The following HOXD8 variants were observed in gnomAD, a reference collection of about 807,000 sequenced individuals.
HOXD8 encodes the protein homeobox D8.
In HOXD8, 17 loss-of-function variants were observed where a neutral mutation model predicts 25.4. The observed-to-expected ratio is 0.67, with a 90% CI of 0.46 to 1.00. HOXD8 has a LOEUF of 1.00. HOXD8 is among the 50% of genes least tolerant of loss of function. HOXD8 has a pLI of 0.00. For synonymous variants in HOXD8, 203 were observed against 175.3 expected (o/e 1.16, Z -1.25); for missense variants, 511 against 398.5 (o/e 1.28, Z -2.40).
chr2:176,131,441 A>C lies in HOXD8; in HGVS notation c.702A>C (p.Leu234=). Residue 234 remains leucine (L), a synonymous_variant, in exon 2 of 2, where the codon CTA becomes CTC. Transcript: ENST00000313173. ...GAAGAATCGAGGTTTCCCACGCCCT[A>C]GCCCTCACCGAGAGACAGGTAAAAA... is the stretch of plus-strand genomic sequence containing the variant. The part of the protein sequence containing the change: ...RKRRIEVSHA[L]ALTERQVKIW... The C allele has an allele frequency of 6.2e-7, 1 of 1,613,918 alleles. No individual in the cohort carries two copies. Among genetic ancestry groups the C allele is most frequent in the Non-Finnish European group, 8.5e-7 (1 of 1,179,940 alleles).
rs1387578084 is a variant in HOXD8, at chr2:176,132,313, T to C, written c.*701T>C. 1 of 152,276 alleles carries C rather than the reference T, an allele frequency of 6.6e-6. No homozygotes were observed. Among genetic ancestry groups the C allele is most frequent in the Non-Finnish European group, 1.5e-5 (1 of 68,048 alleles). The allele number at this position is 152,276 out of a possible 1,614,324, so 9.4% of individuals were successfully genotyped here. A position where few individuals can be genotyped will look rare whatever the true frequency, so the allele number is the denominator to read the frequency against. ...GTCCAAGTTGACAATTATTTTTCTA[T>C]AGTCCATACAAATTAAATAATCTGG... On this transcript the variant is annotated 3_prime_UTR_variant, in exon 2 of 2. Coordinates refer to ENST00000313173, the MANE Select transcript of HOXD8 (RefSeq NM_019558.4).
In HOXD8 at chr2:176,131,405, G is replaced by A; in HGVS notation, c.666G>A (p.Leu222=). The change falls in exon 2 of 2, where the codon CTG becomes CTA. Residue 222 remains leucine, a synonymous_variant. Coordinates refer to ENST00000313173, the MANE Select transcript of HOXD8 (RefSeq NM_019558.4). The stretch of plus-strand genomic sequence containing the variant: ...AGGAATTTCTTTTTAACCCCTATCT[G>A]ACCAGGAAAAGAAGAATCGAGGTTT... ...LEKEFLFNPY[L]TRKRRIEVSH... 1 of 1,611,730 alleles carries A rather than the reference G, an allele frequency of 6.2e-7. No individual in the cohort carries two copies. Among genetic ancestry groups the A allele is most frequent in the South Asian group, 1.1e-5 (1 of 91,004 alleles).
At chr2:176,131,100 A>C (rs1035029118) in intron 1 of HOXD8, among the ~76,000 whole-genome samples, 157 bp downstream of exon 1, 1 of 152,098 alleles carries the variant, frequency 6.6e-6, no homozygotes, top group Admixed American at 6.5e-5. Context: ...TTTTTTTAAA[A>C]AAGTAGGAAC....
rs1178974258 is a variant in HOXD8 at position 176,130,672 on chromosome 2, C to A, written c.306C>A (p.Ala102=). The change falls in exon 1 of 2, where the codon GCC becomes GCA. Residue 102 remains alanine (A), a synonymous_variant. Coordinates refer to ENST00000313173, the MANE Select transcript of HOXD8 (RefSeq NM_019558.4). ...EYFHPGGGSP[A]AAYQAAPPPP... ...TCCACCCCGGCGGGGGCAGCCCGGC[C>A]GCTGCCTACCAGGCCGCCCCCCCTC... 1.3e-6 allele frequency: 2 copies of A among 1,558,744 alleles called. No individual in the cohort carries two copies. The highest frequency in any genetic ancestry group is 1.2e-5 in the South Asian group (1 of 82,268).
Position 176,131,598 on chromosome 2 carries a change from G to A in HOXD8, c.859G>A (p.Gly287Ser). Residue 287 changes from glycine to serine, a missense_variant, in exon 2 of 2, where the codon GGC becomes AGC. Physicochemically the swap from Gly to Ser is moderately conservative, Grantham distance 56. Transcript: ENST00000313173. ...AGAGCTGGAGGAAGACAGAGCCGAAGGCCTGACAAATTAACTTCTACCTTT... is the reference window on the plus strand; with the variant it reads ...AGAGCTGGAGGAAGACAGAGCCGAAAGCCTGACAAATTAACTTCTACCTTT... ...AQELEEDRAE[G>S]LTN The A allele has an allele frequency of 6.3e-7, 1 of 1,577,584 alleles. No homozygotes were observed. The highest frequency in any genetic ancestry group is 8.6e-7 in the Non-Finnish European group (1 of 1,160,006).
chr2:176,129,878 T>C lies in HOXD8; in HGVS notation c.-489T>C. On this transcript the variant is annotated 5_prime_UTR_variant, in exon 1 of 2. Coordinates refer to ENST00000313173, the MANE Select transcript of HOXD8 (RefSeq NM_019558.4). ...GGCGGCGGGCAGAGGGTGTTTTTTT[T>C]CTTTTCCCTCCAGAGCCGGGGTTTG... 3.9e-6 allele frequency: 1 copy of C among 256,134 alleles called. No homozygotes were observed. Among genetic ancestry groups the C allele is most frequent in the Non-Finnish European group, 7.7e-6 (1 of 130,504 alleles). 15.9% of individuals were successfully genotyped at this position (256,134 alleles called of 1,614,324 possible).
chr2:176,130,354 CGCT>C lies in HOXD8; in HGVS notation c.-11_-9del, dbSNP rs1401022156. ...CCGCCCGCCCGCCCGGGGCCGCCGC[CGCT>C]GACGCCCCAATGAGTTCGTACTTCG... is the stretch of plus-strand genomic sequence containing the variant. On this transcript the variant is annotated 5_prime_UTR_variant, in exon 1 of 2. Transcript: ENST00000313173. 2.1e-6 allele frequency: 3 copies of C among 1,398,272 alleles called. No homozygotes were observed. In the African/African-American group the frequency reaches 4.6e-5, roughly 22 times the overall value. The allele number at this position is 1,398,272 out of a possible 1,614,324, so 86.6% of individuals were successfully genotyped here.
At position 176,130,606 on chromosome 2, in the gene HOXD8, G is replaced by C. The variant is rs1028078775; in HGVS notation, c.240G>C (p.Gly80=). The part of the protein sequence containing the change: ...AHPHPSPPPS[G]TGCGGREGRG... Reference sequence around the variant, plus strand: ...CGCACCCGTCCCCGCCGCCCTCCGGGACTGGGTGCGGCGGTAGGGAAGGCC... The same window carrying C: ...CGCACCCGTCCCCGCCGCCCTCCGGCACTGGGTGCGGCGGTAGGGAAGGCC... Residue 80 remains glycine (G), a synonymous_variant, in exon 1 of 2, where the codon GGG becomes GGC. Coordinates refer to ENST00000313173, the MANE Select transcript of HOXD8 (RefSeq NM_019558.4). The C allele has an allele frequency of 1.4e-5, 21 of 1,492,456 alleles. No individual in the cohort carries two copies. Among genetic ancestry groups the C allele is most frequent in the Non-Finnish European group, 1.8e-5 (20 of 1,134,602 alleles). The allele number at this position is 1,492,456 out of a possible 1,614,324, so 92.5% of individuals were successfully genotyped here.
Position 176,130,605 on chromosome 2 carries a change from G to C in HOXD8, c.239G>C (p.Gly80Ala), listed in dbSNP as rs758482589. 3 of 1,491,280 alleles carry C rather than the reference G, an allele frequency of 2.0e-6. No homozygotes were observed. Among genetic ancestry groups the C allele is most frequent in the East Asian group, 2.6e-5 (1 of 38,402 alleles). The allele number at this position is 1,491,280 out of a possible 1,614,324, so 92.4% of individuals were successfully genotyped here. A position where few individuals can be genotyped will look rare whatever the true frequency, so the allele number is the denominator to read the frequency against. Reference sequence around the variant, plus strand: ...CCGCACCCGTCCCCGCCGCCCTCCGGGACTGGGTGCGGCGGTAGGGAAGGC... The same window carrying C: ...CCGCACCCGTCCCCGCCGCCCTCCGCGACTGGGTGCGGCGGTAGGGAAGGC... ...AHPHPSPPPS[G>A]TGCGGREGRG... The change falls in exon 1 of 2, where the codon GGG becomes GCG. Residue 80 changes from glycine (G) to alanine (A), a missense_variant. Gly to Ala is a moderately conservative substitution (Grantham distance 60). Coordinates refer to ENST00000313173, the MANE Select transcript of HOXD8 (RefSeq NM_019558.4).
In HOXD8 at chr2:176,131,637, G is replaced by C. The variant is rs1196145515; in HGVS notation, c.*25G>C. 7.8e-7 allele frequency: 1 copy of C among 1,282,468 alleles called. No homozygotes were observed. The highest frequency in any genetic ancestry group is 1.1e-6 in the Non-Finnish European group (1 of 906,412). The allele number at this position is 1,282,468 out of a possible 1,614,324, so 79.4% of individuals were successfully genotyped here. A position where few individuals can be genotyped will look rare whatever the true frequency, so the allele number is the denominator to read the frequency against. On this transcript the variant is annotated 3_prime_UTR_variant, in exon 2 of 2. Transcript: ENST00000313173. ...ACTTCTACCTTTAAAATTTACCACA[G>C]ACTATTAAAACTAATAATCACCATA... is the stretch of plus-strand genomic sequence containing the variant.
Position 176,130,076 on chromosome 2 carries a change from C to T in HOXD8, c.-291C>T, listed in dbSNP as rs555669509. On this transcript the variant is annotated 5_prime_UTR_variant, in exon 1 of 2. Coordinates refer to ENST00000313173, the MANE Select transcript of HOXD8 (RefSeq NM_019558.4). Reference sequence around the variant, plus strand: ...GCGCCGGGAAAGGCCGGGAGGGCGGCGGCGCGCGGGGGCTGGGCGAGGCCC... The same window carrying T: ...GCGCCGGGAAAGGCCGGGAGGGCGGTGGCGCGCGGGGGCTGGGCGAGGCCC... 1 of 150,024 alleles carries T rather than the reference C, an allele frequency of 6.7e-6. No individual in the cohort carries two copies. The highest frequency in any genetic ancestry group is 1.5e-5 in the Non-Finnish European group (1 of 67,650). 9.3% of individuals were successfully genotyped at this position (150,024 alleles called of 1,614,324 possible).
Position 176,130,565 on chromosome 2 carries a change from C to T in HOXD8, c.199C>T (p.Gln67Ter). Residue 67 changes from glutamine to a stop codon, truncating the protein, a stop_gained, in exon 1 of 2, where the codon CAG becomes TAG. Coordinates refer to ENST00000313173, the MANE Select transcript of HOXD8 (RefSeq NM_019558.4). LOFTEE classifies it high-confidence loss of function. ...CGCCGGCTTCCCGCACGCGCCCCCG[C>T]AGGCGCACGCGCACCCGCACCCGTC... ...SAAGFPHAPP[Q>*]AHAHPHPSPP... The T allele has an allele frequency of 6.8e-7, 1 of 1,461,806 alleles. No homozygotes were observed. The highest frequency in any genetic ancestry group is 1.3e-5 in the South Asian group (1 of 75,184). 90.6% of individuals were successfully genotyped at this position (1,461,806 alleles called of 1,614,324 possible).
chr2:176,130,644 A>G lies in HOXD8; in HGVS notation c.278A>G (p.Tyr93Cys). 6.5e-7 allele frequency: 1 copy of G among 1,548,702 alleles called. No homozygotes were observed. The highest frequency in any genetic ancestry group is 8.7e-7 in the Non-Finnish European group (1 of 1,153,094). The change falls in exon 1 of 2, where the codon TAC becomes TGC. Residue 93 changes from tyrosine (Y) to cysteine (C), a missense_variant. Coordinates refer to ENST00000313173, the MANE Select transcript of HOXD8 (RefSeq NM_019558.4). ...GGTAGGGAAGGCCGGGGCCAGGAGT[A>G]CTTCCACCCCGGCGGGGGCAGCCCG... ...CGGREGRGQEYFHPGGGSPAA... is the reference protein window; with the variant it reads ...CGGREGRGQECFHPGGGSPAA...
rs781588087 is a variant in HOXD8, at chr2:176,130,643, T to A, written c.277T>A (p.Tyr93Asn). The A allele has an allele frequency of 6.5e-7, 1 of 1,545,252 alleles. No individual in the cohort carries two copies. Among genetic ancestry groups the A allele is most frequent in the Non-Finnish European group, 8.7e-7 (1 of 1,152,110 alleles). ...CGGTAGGGAAGGCCGGGGCCAGGAG[T>A]ACTTCCACCCCGGCGGGGGCAGCCC... is the stretch of plus-strand genomic sequence containing the variant. ...CGGREGRGQE[Y>N]FHPGGGSPAA... The change falls in exon 1 of 2, where the codon TAC (tyrosine) becomes AAC (asparagine). Residue 93 changes from tyrosine to asparagine, a missense_variant. By Grantham distance (143) the Tyr-to-Asn change is moderately radical (BLOSUM62 -2). Coordinates refer to ENST00000313173, the MANE Select transcript of HOXD8 (RefSeq NM_019558.4).
In HOXD8 at chr2:176,130,410, C is replaced by G. The variant is rs1448462572; in HGVS notation, c.44C>G (p.Ala15Gly). ...FVNPLYSKYK[A>G]AAAAAAAAGE... ...AACCCGCTGTACTCCAAGTACAAGGCGGCGGCTGCGGCGGCGGCGGCGGCG... is the reference window on the plus strand; with the variant it reads ...AACCCGCTGTACTCCAAGTACAAGGGGGCGGCTGCGGCGGCGGCGGCGGCG... The change falls in exon 1 of 2, where the codon GCG becomes GGG. Residue 15 changes from alanine to glycine, a missense_variant. By Grantham distance (60) the Ala-to-Gly change is moderately conservative. Coordinates refer to ENST00000313173, the MANE Select transcript of HOXD8 (RefSeq NM_019558.4). 6.7e-7 allele frequency: 1 copy of G among 1,486,052 alleles called. No homozygotes were observed. Among genetic ancestry groups the G allele is most frequent in the South Asian group, 1.3e-5 (1 of 79,666 alleles). The allele number at this position is 1,486,052 out of a possible 1,614,324, so 92.1% of individuals were successfully genotyped here. A position where few individuals can be genotyped will look rare whatever the true frequency, so the allele number is the denominator to read the frequency against.
rs1452731532 is a variant in HOXD8, at chr2:176,131,697, G to A, written c.*85G>A. 1.7e-5 allele frequency: 12 copies of A among 724,208 alleles called. No individual in the cohort carries two copies. Among genetic ancestry groups the A allele is most frequent in the Non-Finnish European group, 2.3e-5 (10 of 436,308 alleles). The allele number at this position is 724,208 out of a possible 1,614,324, so 44.9% of individuals were successfully genotyped here. On this transcript the variant is annotated 3_prime_UTR_variant, in exon 2 of 2. Transcript: ENST00000313173. Reference sequence around the variant, plus strand: ...CACCACCTATTTTCTTTGTTGGAAAGGACCTTACCTGTGTTTCAAGCTACC... The same window carrying A: ...CACCACCTATTTTCTTTGTTGGAAAAGACCTTACCTGTGTTTCAAGCTACC...
chr2:176,130,338 C>T lies in HOXD8; in HGVS notation c.-29C>T, dbSNP rs1348424888. The T allele has an allele frequency of 2.9e-6, 4 of 1,374,502 alleles. No individual in the cohort carries two copies. Among genetic ancestry groups the T allele is most frequent in the South Asian group, 1.6e-5 (1 of 61,748 alleles). 85.1% of individuals were successfully genotyped at this position (1,374,502 alleles called of 1,614,324 possible). A position where few individuals can be genotyped will look rare whatever the true frequency, so the allele number is the denominator to read the frequency against. On this transcript the variant is annotated 5_prime_UTR_variant, in exon 1 of 2. Transcript: ENST00000313173. ...CTCTGGCTGCTTAGCGCCGCCCGCC[C>T]GCCCGGGGCCGCCGCCGCTGACGCC... is the stretch of plus-strand genomic sequence containing the variant.
chr2:176,129,870 GTTTT>G lies in HOXD8; in HGVS notation c.-492_-489del, dbSNP rs886129495. Reference sequence around the variant, plus strand: ...TAAGAGGTGGCGGCGGGCAGAGGGTGTTTTTTTTCTTTTCCCTCCAGAGCCGGGG... The same window carrying G: ...TAAGAGGTGGCGGCGGGCAGAGGGTGTTTTCTTTTCCCTCCAGAGCCGGGG... On this transcript the variant is annotated 5_prime_UTR_variant, in exon 1 of 2. Coordinates refer to ENST00000313173, the MANE Select transcript of HOXD8 (RefSeq NM_019558.4). 4.6e-5 allele frequency: 12 copies of G among 259,422 alleles called. No homozygotes were observed. The highest frequency in any genetic ancestry group is 7.6e-5 in the Non-Finnish European group (10 of 131,946). 16.1% of individuals were successfully genotyped at this position (259,422 alleles called of 1,614,324 possible).
chr2:176,130,675 T>C lies in HOXD8; in HGVS notation c.309T>C (p.Ala103=), dbSNP rs765554732. ...ACCCCGGCGGGGGCAGCCCGGCCGCTGCCTACCAGGCCGCCCCCCCTCCTC... is the reference window on the plus strand; with the variant it reads ...ACCCCGGCGGGGGCAGCCCGGCCGCCGCCTACCAGGCCGCCCCCCCTCCTC... ...YFHPGGGSPA[A]AYQAAPPPPP... is the part of the protein sequence containing the mutation. Residue 103 remains alanine (A), a synonymous_variant, in exon 1 of 2, where the codon GCT becomes GCC. Transcript: ENST00000313173. 1 of 1,561,970 alleles carries C rather than the reference T, an allele frequency of 6.4e-7. No homozygotes were observed. Among genetic ancestry groups the C allele is most frequent in the Non-Finnish European group, 8.6e-7 (1 of 1,156,562 alleles).
Sources: gnomAD v4.1 joint callset for allele counts (sites outside exome capture counted in the v4.1 genomes callset) on GRCh38, gnomAD v4.1.1 for gene constraint, MANE v1.5 for transcripts, NCBI Gene and HGNC (gene_info 2026-07-23, HGNC 2026-07-21) for gene names.